ABLIM1: variants seen among roughly 807,000 people sequenced by gnomAD.
ABLIM1 encodes the protein actin-binding LIM protein 1.
A neutral mutation model predicts 107.0 loss-of-function variants in ABLIM1; 40 were observed. The observed-to-expected ratio is 0.37, with a 90% CI of 0.29 to 0.49. The LOEUF is 0.49. Ranked by LOEUF, ABLIM1 falls within the 20% of genes least tolerant of loss-of-function variation. The pLI, the probability that ABLIM1 is intolerant of heterozygous loss-of-function variation, is 0.97. For missense variants in ABLIM1, 857 were observed against 1,008.5 expected (o/e 0.85, Z 2.04); for synonymous variants, 357 against 357.3 (o/e 1.00, Z 0.01).
At chr10:114,754,720 G>C (rs763980472) in intron 1 of ABLIM1, among the ~76,000 whole-genome samples, 1 of 152,132 alleles carries the variant, frequency 6.6e-6, no homozygotes, top group Non-Finnish European at 1.5e-5. Context: ...TTCTGAACAC[G>C]GCACATAAAT....
At chr10:114,686,778 G>A (rs968833695), upstream of ABLIM1, among the ~76,000 whole-genome samples, 8 of 151,338 alleles carry the variant, frequency 5.3e-5, no homozygotes, top group African/African-American at 1.2e-4. Context: ...ACAGGCATGT[G>A]CCACCATGCC....
chr10:114,678,808 T>C (rs1284979158), intron 1 of ABLIM1, among the ~76,000 whole-genome samples: 3 of 152,236 alleles, frequency 2.0e-5, no homozygotes, highest in African/African-American at 7.2e-5. Context: ...TTAGATTGTC[T>C]TTTTATTTTC....
chr10:114,608,529 C>T lies in ABLIM1; in HGVS notation c.245-6568G>A, dbSNP rs537274784. 2.0e-4 allele frequency among the ~76,000 whole-genome samples: 31 copies of T among 151,896 alleles called. 2 individuals are homozygous for T. In the South Asian group the frequency reaches 6.0e-3, roughly 30 times the overall value. On this transcript the variant is annotated intron_variant, in intron 1 of 22. Coordinates refer to ENST00000533213, the MANE Select transcript of ABLIM1 (RefSeq NM_002313.7). ...TACTGAAAATACAAAATTAGCTGGGCGTGGTGGCGTATGCCTGTAATCCCA... is the reference window on the plus strand; with the variant it reads ...TACTGAAAATACAAAATTAGCTGGGTGTGGTGGCGTATGCCTGTAATCCCA...
chr10:114,790,606 C>CT, the ABLIM1 span, among the ~76,000 whole-genome samples: 1 of 152,204 alleles, frequency 6.6e-6, no homozygotes, highest in Non-Finnish European at 1.5e-5. Flanking sequence ...GTGGACCCTT[C>CT]TGAGTGCAGG....
At chr10:114,548,488 G>A (rs1452923847) in intron 4 of ABLIM1, among the ~76,000 whole-genome samples, 1 of 152,132 alleles carries the variant, frequency 6.6e-6, no homozygotes, top group Admixed American at 6.5e-5. Flanking sequence ...TTGAAGCCTG[G>A]GTTTCTTCTT....
intron 2 of ABLIM1, among the ~76,000 whole-genome samples, chr10:114,584,601 A>G (rs2073985092): frequency 6.6e-6 from 1 of 152,184 alleles, no homozygotes; most frequent in Admixed American, 6.5e-5. Context: ...GTGAGGGGGC[A>G]GCTTCCCACC....
chr10:114,449,089 A>C (rs2061479196), intron 14 of ABLIM1, among the ~76,000 whole-genome samples: 1 of 152,230 alleles, frequency 6.6e-6, no homozygotes, highest in Admixed American at 6.5e-5. Flanking sequence ...TCCAACTTTA[A>C]AACAACAAAA....
chr10:114,607,476 A>G (rs1452492253), intron 1 of ABLIM1, among the ~76,000 whole-genome samples: 3 of 152,238 alleles, frequency 2.0e-5, no homozygotes, highest in South Asian at 4.1e-4. Flanking sequence ...AAAGAGCACA[A>G]TGTGGATAGG....
chr10:114,474,018 G>C, intron 8 of ABLIM1, 62 bp from the exon 9 acceptor site: 1 of 1,308,938 alleles, frequency 7.6e-7, no homozygotes, highest in South Asian at 1.2e-5. Flanking sequence ...AGACTGTCCT[G>C]GGCCCTTAAG....
chr10:114,529,118 T>G (rs2065178538), intron 6 of ABLIM1, among the ~76,000 whole-genome samples: 3 of 151,664 alleles, frequency 2.0e-5, no homozygotes, highest in Non-Finnish European at 4.4e-5. Context: ...CCCACGAGTC[T>G]TCATCCTCTT....
intron 6 of ABLIM1, 57 bp from the exon 7 acceptor site, chr10:114,491,935 C>A: frequency 7.6e-7 from 1 of 1,312,272 alleles, no homozygotes; most frequent in Non-Finnish European, 1.1e-6. Flanking sequence ...ATTCCAGAAT[C>A]TTTTCTGGAC....
At chr10:114,694,837 T>TA (rs2081161709) in intron 1 of ABLIM1, among the ~76,000 whole-genome samples, 1 of 152,160 alleles carries the variant, frequency 6.6e-6, no homozygotes, top group African/African-American at 2.4e-5. Flanking sequence ...AAGTGGAACT[T>TA]ACAGATTGGG....
At chr10:114,459,151 G>T (rs539429868) in intron 12 of ABLIM1, among the ~76,000 whole-genome samples, 42 of 152,352 alleles carry the variant, frequency 2.8e-4, no homozygotes, top group Middle Eastern at 3.4e-3. Flanking sequence ...ATGGAAGGCT[G>T]GGCTTCTGGC....
chr10:114,488,147 A>G, intron 7 of ABLIM1, 131 bp from the exon 8 acceptor site: 6 of 960,280 alleles, frequency 6.2e-6, no homozygotes, highest in Non-Finnish European at 9.9e-6. Context: ...TTTATGTCCA[A>G]GTGAATCATA....
At chr10:114,489,661 C>T (rs973732294) in intron 7 of ABLIM1, among the ~76,000 whole-genome samples, 2 of 152,094 alleles carry the variant, frequency 1.3e-5, no homozygotes, top group South Asian at 2.1e-4. Flanking sequence ...GAGAAGCATT[C>T]GCCGTGAAGG....
At chr10:114,702,466 C>G (rs964126158) in intron 1 of ABLIM1, among the ~76,000 whole-genome samples, 1 of 149,902 alleles carries the variant, frequency 6.7e-6, no homozygotes, top group Non-Finnish European at 1.5e-5. Context: ...TTTTTTGTTT[C>G]TTGTCATTAA....
At chr10:114,463,367 G>C (rs764873241) in intron 12 of ABLIM1, among the ~76,000 whole-genome samples, 2 of 152,168 alleles carry the variant, frequency 1.3e-5, no homozygotes, top group Non-Finnish European at 2.9e-5. Context: ...TTTGCAAAGA[G>C]GTTCAGGTGG....
chr10:114,460,204 G>A (rs1004066343), intron 12 of ABLIM1, among the ~76,000 whole-genome samples: 5 of 152,224 alleles, frequency 3.3e-5, no homozygotes, highest in Admixed American at 2.6e-4. Flanking sequence ...TGTCCTAGTG[G>A]TGAGCCCCTG....
chr10:114,611,647 C>G (rs1371526927), intron 1 of ABLIM1, among the ~76,000 whole-genome samples: 1 of 152,156 alleles, frequency 6.6e-6, no homozygotes, highest in Non-Finnish European at 1.5e-5. Flanking sequence ...TCCCCCAAGG[C>G]AAAGAGGTAC....
Sources: allele counts gnomAD v4.1 joint callset (sites outside exome capture counted in the v4.1 genomes callset), GRCh38; gene constraint gnomAD v4.1.1; transcripts MANE v1.5; gene names NCBI Gene and HGNC (gene_info 2026-07-23, HGNC 2026-07-21).